KAZN: variants seen among roughly 807,000 people sequenced by gnomAD.
The protein encoded by KAZN is kazrin, periplakin interacting protein, also known as kazrin.
In KAZN, 40 loss-of-function variants were observed where a neutral mutation model predicts 87.4. The observed-to-expected ratio is 0.46, with a 90% CI of 0.36 to 0.60. The LOEUF is 0.60. Among genes scored for constraint, KAZN ranks in the 20% least tolerant of loss-of-function variants. KAZN has a pLI of 0.00. For missense variants in KAZN, 898 were observed against 1,073.9 expected, an observed-to-expected ratio of 0.84 and a Z score of 2.29; for synonymous variants, 466 against 458.3, an observed-to-expected ratio of 1.02 and a Z score of -0.22.
At chr1:14,327,598 C>T (rs1656530238) in intron 2 of KAZN, among the ~76,000 whole-genome samples, 1 of 152,188 alleles carries the variant, frequency 6.6e-6, no homozygotes, top group Non-Finnish European at 1.5e-5. Flanking sequence ...TTTATTCATG[C>T]TTTATTCTCC....
intron 1 of KAZN, among the ~76,000 whole-genome samples, chr1:14,126,217 A>G (rs1015043890): frequency 2.6e-5 from 4 of 152,150 alleles, no homozygotes; most frequent in Admixed American, 2.6e-4. Flanking sequence ...CAGTCACGTG[A>G]GGCACAAACA....
chr1:14,482,867 T>C (rs1669155738), intron 2 of KAZN, among the ~76,000 whole-genome samples: 1 of 152,190 alleles, frequency 6.6e-6, no homozygotes, highest in African/African-American at 2.4e-5. Flanking sequence ...GTGTGGATTC[T>C]GGCATCCGAC....
intron 2 of KAZN, among the ~76,000 whole-genome samples, chr1:14,263,004 C>G (rs111736402): frequency 6.6e-6 from 1 of 152,136 alleles, no homozygotes; most frequent in Non-Finnish European, 1.5e-5. Flanking sequence ...AATCATGTGG[C>G]GTGCATGCGT....
chr1:14,620,661 A>T (rs932463704), intron 1 of KAZN, among the ~76,000 whole-genome samples: 22 of 152,162 alleles, frequency 1.4e-4, no homozygotes, highest in Admixed American at 1.2e-3. Flanking sequence ...CAGCTGGAAT[A>T]CCACAGTGGG....
intron 2 of KAZN, among the ~76,000 whole-genome samples, chr1:14,576,460 T>C (rs1675192677): frequency 6.7e-6 from 1 of 149,788 alleles, no homozygotes; most frequent in African/African-American, 2.5e-5. Flanking sequence ...TGGATGGATA[T>C]ATTAATGGAT....
At chr1:14,327,681 G>C (rs551968802) in intron 2 of KAZN, among the ~76,000 whole-genome samples, 1 of 151,572 alleles carries the variant, frequency 6.6e-6, no homozygotes, top group South Asian at 2.1e-4. Flanking sequence ...GTGGTAGACT[G>C]ACTCTCCTCA....
intron 1 of KAZN, among the ~76,000 whole-genome samples, chr1:14,031,946 G>T (rs540002125): frequency 6.6e-6 from 1 of 152,142 alleles, no homozygotes; most frequent in South Asian, 2.1e-4. Flanking sequence ...GAATTGCTGG[G>T]ACAAACTGTT....
At chr1:14,679,364 T>C (rs1271217718) in intron 1 of KAZN, among the ~76,000 whole-genome samples, 1 of 152,020 alleles carries the variant, frequency 6.6e-6, no homozygotes. Flanking sequence ...AATAACTTAG[T>C]TGAGCTCTGG....
At chr1:14,915,604 T>C (rs1394794983) in intron 1 of KAZN, among the ~76,000 whole-genome samples, 1 of 152,192 alleles carries the variant, frequency 6.6e-6, no homozygotes, top group Non-Finnish European at 1.5e-5. Context: ...TCCCCCCTCT[T>C]TATGAAGAAT....
intron 2 of KAZN, among the ~76,000 whole-genome samples, chr1:14,566,741 A>C (rs1170123789): frequency 6.6e-6 from 1 of 152,204 alleles, no homozygotes. Context: ...ATGTTACACC[A>C]ATGCCTTTTT....
intron 1 of KAZN, among the ~76,000 whole-genome samples, chr1:14,098,792 C>T (rs1163716150): frequency 6.6e-6 from 1 of 152,220 alleles, no homozygotes; most frequent in Non-Finnish European, 1.5e-5. Flanking sequence ...TTCAGCTCTT[C>T]ATTACCCAAG....
intron 1 of KAZN, among the ~76,000 whole-genome samples, chr1:14,872,446 T>C (rs553126622): frequency 6.6e-6 from 1 of 152,248 alleles, no homozygotes; most frequent in Non-Finnish European, 1.5e-5. Context: ...GCAACCATAT[T>C]GTACAGTGCA....
At chr1:14,810,803 G>A (rs956747580) in intron 1 of KAZN, among the ~76,000 whole-genome samples, 2 of 152,272 alleles carry the variant, frequency 1.3e-5, no homozygotes, top group South Asian at 2.1e-4. Flanking sequence ...CAAGAAAGCC[G>A]AGTCATGAGA....
At chr1:14,804,493 A>T (rs1646141662) in intron 1 of KAZN, among the ~76,000 whole-genome samples, 1 of 152,180 alleles carries the variant, frequency 6.6e-6, no homozygotes, top group Non-Finnish European at 1.5e-5. Context: ...AGCCTCAACC[A>T]TATGAGTTGA....
chr1:14,426,680 G>A (rs549322332), intron 2 of KAZN, among the ~76,000 whole-genome samples: 62 of 152,224 alleles, frequency 4.1e-4, no homozygotes, highest in Admixed American at 2.4e-3. Context: ...TGCAGGGCCC[G>A]GGTAGTCATG....
At chr1:14,814,259 C>T (rs1464765558) in intron 1 of KAZN, among the ~76,000 whole-genome samples, 2 of 152,222 alleles carry the variant, frequency 1.3e-5, no homozygotes, top group African/African-American at 4.8e-5. Context: ...TGGACTCTCA[C>T]TCTGTCCTCC....
intron 2 of KAZN, among the ~76,000 whole-genome samples, chr1:14,399,381 C>T (rs1479607254): frequency 6.6e-6 from 1 of 152,106 alleles, no homozygotes; most frequent in Non-Finnish European, 1.5e-5. Context: ...CTATTTGCTG[C>T]TTACCAACTA....
chr1:14,194,766 C>G (rs1371636085), intron 2 of KAZN, among the ~76,000 whole-genome samples: 2 of 152,110 alleles, frequency 1.3e-5, no homozygotes, highest in Non-Finnish European at 2.9e-5. Context: ...CAGCCTAAAT[C>G]AGAGCAGCTG....
chr1:14,887,845 A>T (rs532543175), intron 1 of KAZN, among the ~76,000 whole-genome samples: 2 of 151,770 alleles, frequency 1.3e-5, no homozygotes, highest in Non-Finnish European at 2.9e-5. Context: ...TATCATTAGG[A>T]TGGATTAATT....
Sources: allele counts gnomAD v4.1 joint callset (sites outside exome capture counted in the v4.1 genomes callset), GRCh38; gene constraint gnomAD v4.1.1; transcripts MANE v1.5; gene names NCBI Gene and HGNC (gene_info 2026-07-23, HGNC 2026-07-21).